SYT13: variants seen among roughly 807,000 people sequenced by gnomAD.
SYT13 encodes synaptotagmin-13.
Under a neutral mutation model 38.6 loss-of-function variants are expected in SYT13, and 21 were observed. That is an observed-to-expected ratio of 0.54 (90% confidence interval 0.39 to 0.78). The LOEUF is 0.78. Among genes scored for constraint, SYT13 ranks in the 30% least tolerant of loss-of-function variants. SYT13 has a pLI of 0.00. For missense variants in SYT13, 495 were observed against 548.7 expected, an observed-to-expected ratio of 0.90 and a Z score of 0.98; for synonymous variants, 241 against 237.6, an observed-to-expected ratio of 1.01 and a Z score of -0.13.
intron 1 of SYT13, among the ~76,000 whole-genome samples, chr11:45,279,250 T>C (rs1838204099): frequency 6.6e-6 from 1 of 152,218 alleles, no homozygotes; most frequent in African/African-American, 2.4e-5. Context: ...AAAATAATAA[T>C]TATGCATATT....
At chr11:45,285,892 G>T (rs745716503) in intron 1 of SYT13, 133 bp downstream of exon 1, 4 of 905,276 alleles carry the variant, frequency 4.4e-6, no homozygotes, top group Non-Finnish European at 6.0e-6. Context: ...GTCCTCCAAC[G>T]CGTCTGCTGT....
chr11:45,286,125 C>A lies in SYT13; in HGVS notation c.83G>T (p.Cys28Phe). The A allele has an allele frequency of 6.3e-7, 1 of 1,599,886 alleles. No individual in the cohort carries two copies. Among genetic ancestry groups the A allele is most frequent in the East Asian group, 2.3e-5 (1 of 44,394 alleles). Residue 28 changes from cysteine to phenylalanine, a missense_variant, in exon 1 of 6, where the codon TGC becomes TTC. Cys to Phe is a radical substitution (Grantham distance 205). Coordinates refer to ENST00000020926, the MANE Select transcript of SYT13 (RefSeq NM_020826.3). ...TSILALCGVT[C>F]LCRHMHPKKG... The stretch of plus-strand genomic sequence containing the variant: ...CTTGGGGTGCATGTGCCGACACAGG[C>A]AGGTGACCCCGCACAACGCGAGGAT...
Position 45,276,906 on chromosome 11 carries a change from T to C in SYT13, c.183+9119A>G, listed in dbSNP as rs533046117. ...CCCAGCAATCTCACTCCTAGGTATA[T>C]ACTTGAAAGAATTGAAAACAGTTAC... On this transcript the variant is annotated intron_variant, in intron 1 of 5. Coordinates refer to ENST00000020926, the MANE Select transcript of SYT13 (RefSeq NM_020826.3). Among the ~76,000 whole-genome samples the C allele has an allele frequency of 3.9e-5, 6 of 152,234 alleles. No individual in the cohort carries two copies. In the East Asian group the frequency reaches 1.2e-3, roughly 29 times the overall value.
intron 1 of SYT13, among the ~76,000 whole-genome samples, chr11:45,259,609 C>T (rs1176274061): frequency 6.6e-6 from 1 of 152,200 alleles, no homozygotes; most frequent in East Asian, 1.9e-4. Flanking sequence ...CCTCTCCCAT[C>T]TACCCGCCCT....
chr11:45,244,223 C>T lies in SYT13; in HGVS notation c.1110G>A (p.Gln370=). The change falls in exon 6 of 6, where the codon CAG becomes CAA. Residue 370 remains glutamine, a synonymous_variant. Coordinates refer to ENST00000020926, the MANE Select transcript of SYT13 (RefSeq NM_020826.3). ...GCACTTCCAGCTCCACACTGGAGGC[C>T]TGCAGCAGGTCGTCAGGCAGCTCAA... is the stretch of plus-strand genomic sequence containing the variant. ...IMFELPDDLL[Q]ASSVELEVLG... The T allele has an allele frequency of 5.0e-6, 8 of 1,614,088 alleles. No individual in the cohort carries two copies. The highest frequency in any genetic ancestry group is 1.3e-5 in the African/African-American group (1 of 75,068).
chr11:45,260,001 T>G lies in SYT13; in HGVS notation c.184-4110A>C, dbSNP rs78602633. On this transcript the variant is annotated intron_variant, in intron 1 of 5. Coordinates refer to ENST00000020926, the MANE Select transcript of SYT13 (RefSeq NM_020826.3). ...TCTTATTGTTTAAGCCAGTTTGAAT[T>G]GGGATTTTTGTGCCTTGCAGCCAAG... Among the ~76,000 whole-genome samples the G allele has an allele frequency of 1.4e-3, 207 of 152,386 alleles. 3 individuals carry two copies. The East Asian group carries it at 0.033, about 24-fold the overall frequency.
In SYT13 at chr11:45,273,106, A is replaced by G. The variant is rs141095381; in HGVS notation, c.183+12919T>C. 9.7e-3 allele frequency among the ~76,000 whole-genome samples: 1,474 copies of G among 152,338 alleles called. 16 individuals are homozygous for G. The highest frequency in any genetic ancestry group is 0.016 in the Non-Finnish European group (1,079 of 68,034). ...TGGGTAATTGAGGAGAGTTTCATAA[A>G]GCAGGTATTTACAAATGTATGGAGG... On this transcript the variant is annotated intron_variant, in intron 1 of 5. Transcript: ENST00000020926.
chr11:45,285,451 C>T (rs1855122697), intron 1 of SYT13, among the ~76,000 whole-genome samples: 1 of 152,146 alleles, frequency 6.6e-6, no homozygotes, highest in Non-Finnish European at 1.5e-5. Context: ...CTCCCGGATT[C>T]AGCTCTCTAG....
intron 1 of SYT13, among the ~76,000 whole-genome samples, chr11:45,267,634 AG>A (rs1022973596): frequency 4.6e-5 from 7 of 151,984 alleles, no homozygotes; most frequent in African/African-American, 1.7e-4. Context: ...GAGTCCGCTC[AG>A]CTCCCCCCGG....
Position 45,254,330 on chromosome 11 carries a change from G to T in SYT13, c.484C>A (p.Leu162Ile). The T allele has an allele frequency of 6.2e-7, 1 of 1,613,842 alleles. No homozygotes were observed. Among genetic ancestry groups the T allele is most frequent in the South Asian group, 1.1e-5 (1 of 90,936 alleles). Residue 162 changes from leucine (L) to isoleucine (I), a missense_variant, in exon 3 of 6, where the codon CTC (leucine) becomes ATC (isoleucine). By Grantham distance (5) the Leu-to-Ile change is conservative (BLOSUM62 2). Transcript: ENST00000020926. ...KAASWNQAPK[L>I]HYCLDYDCQK... Reference sequence around the variant, plus strand: ...CAGTCATAGTCCAGGCAGTAGTGGAGTTTGGGGGCCTGGTTCCAACTGGCA... The same window carrying T: ...CAGTCATAGTCCAGGCAGTAGTGGATTTTGGGGGCCTGGTTCCAACTGGCA...
Position 45,252,278 on chromosome 11 carries a change from A to G in SYT13, c.846+143T>C. 1 of 1,000,428 alleles carries G rather than the reference A, an allele frequency of 1.0e-6. No homozygotes were observed. Among genetic ancestry groups the G allele is most frequent in the South Asian group, 1.8e-5 (1 of 56,460 alleles). 62.0% of individuals were successfully genotyped at this position (1,000,428 alleles called of 1,614,324 possible). A position where few individuals can be genotyped will look rare whatever the true frequency, so the allele number is the denominator to read the frequency against. On this transcript the variant is annotated intron_variant, in intron 4 of 5. Transcript: ENST00000020926. This position sits in a 1 kb window ranked among gnomAD's most constrained non-coding sequence, Gnocchi z 4.3. Reference sequence around the variant, plus strand: ...CTCCTCTAGCCCTCTGCCCCATTCAAGATTCCAACCTCCCTTCCAGCCCCA... The same window carrying G: ...CTCCTCTAGCCCTCTGCCCCATTCAGGATTCCAACCTCCCTTCCAGCCCCA...
chr11:45,257,297 T>A (rs901137733), intron 1 of SYT13, among the ~76,000 whole-genome samples: 1 of 152,064 alleles, frequency 6.6e-6, no homozygotes, highest in African/African-American at 2.4e-5. Context: ...GCCTTCCTGG[T>A]CCTCAGGATT....
At chr11:45,280,028 T>C (rs1855053500) in intron 1 of SYT13, among the ~76,000 whole-genome samples, 1 of 152,378 alleles carries the variant, frequency 6.6e-6, no homozygotes, top group East Asian at 1.9e-4. Flanking sequence ...TGTTTTATTG[T>C]CTGTCTCCCC....
chr11:45,250,401 C>T (rs1854658618), intron 4 of SYT13, among the ~76,000 whole-genome samples: 1 of 152,188 alleles, frequency 6.6e-6, no homozygotes, highest in Admixed American at 6.5e-5. Flanking sequence ...AAGGTATTTG[C>T]AGAATGAATG....
At chr11:45,245,714 G>A (rs1243624638) in intron 5 of SYT13, among the ~76,000 whole-genome samples, 2 of 152,202 alleles carry the variant, frequency 1.3e-5, no homozygotes, top group East Asian at 1.9e-4. Flanking sequence ...CTGGGCTGGG[G>A]TATCCAGAAG....
At chr11:45,248,052 C>T (rs1194902247) in intron 4 of SYT13, among the ~76,000 whole-genome samples, 1 of 152,196 alleles carries the variant, frequency 6.6e-6, no homozygotes, top group Non-Finnish European at 1.5e-5. Flanking sequence ...GTCTGAGTTC[C>T]AATCCTACCA....
At position 45,278,707 on chromosome 11, in the gene SYT13, C is replaced by T. The variant is rs932575757; in HGVS notation, c.183+7318G>A. ...TATCTGAATTATCTACAAACTGTACCCAAAGAAGGAACTAGGGGAGGAAGG... is the reference window on the plus strand; with the variant it reads ...TATCTGAATTATCTACAAACTGTACTCAAAGAAGGAACTAGGGGAGGAAGG... On this transcript the variant is annotated intron_variant, in intron 1 of 5. Transcript: ENST00000020926. Among the ~76,000 whole-genome samples, 22 of 152,108 alleles carry T rather than the reference C, an allele frequency of 1.4e-4. No homozygotes were observed. The East Asian group carries it at 4.1e-3, about 28-fold the overall frequency.
intron 3 of SYT13, among the ~76,000 whole-genome samples, chr11:45,253,303 G>A (rs544429087): frequency 6.6e-6 from 1 of 152,314 alleles, no homozygotes; most frequent in South Asian, 2.1e-4. Flanking sequence ...CTGAGGCTAT[G>A]TGTCTTAACA....
At chr11:45,271,011 C>T (rs1036585255) in intron 1 of SYT13, among the ~76,000 whole-genome samples, 2 of 152,114 alleles carry the variant, frequency 1.3e-5, no homozygotes, top group African/African-American at 2.4e-5. Context: ...GGAGTAAGTC[C>T]CCACCCTCAG....
Sources: gnomAD v4.1 joint callset for allele counts (sites outside exome capture counted in the v4.1 genomes callset) on GRCh38, gnomAD v4.1.1 for gene constraint, Gnocchi (gnomAD v3.1) non-coding constraint, MANE v1.5 for transcripts, NCBI Gene and HGNC (gene_info 2026-07-23, HGNC 2026-07-21) for gene names.